Variants in RNF13 observed in about 807,000 individuals in gnomAD.
The protein encoded by RNF13 is ring finger protein 13, also known as E3 ubiquitin-protein ligase RNF13.
Under a neutral mutation model 37.7 loss-of-function variants are expected in RNF13, and 19 were observed. The observed-to-expected ratio is 0.50, with a 90% confidence interval of 0.35 to 0.74. The LOEUF is 0.74. Among genes scored for constraint, RNF13 ranks in the 30% least tolerant of loss-of-function variants. The probability of loss-of-function intolerance (pLI) is 0.01; values close to 1 mark genes in which losing one functional copy is unlikely to be tolerated. For synonymous variants in RNF13, 144 were observed against 157.8 expected, an observed-to-expected ratio of 0.91 and a Z score of 0.65; for missense variants, 375 against 453.0, an observed-to-expected ratio of 0.83 and a Z score of 1.56.
intron 1 of RNF13, among the ~76,000 whole-genome samples, chr3:149,834,078 A>C (rs1401874795): frequency 6.6e-6 from 1 of 152,236 alleles, no homozygotes; most frequent in East Asian, 1.9e-4. Context: ...AGAATTGTAC[A>C]CTGAAAATTG....
intron 1 of RNF13, among the ~76,000 whole-genome samples, chr3:149,838,635 T>C (rs535271436): frequency 6.6e-6 from 1 of 152,312 alleles, no homozygotes; most frequent in East Asian, 1.9e-4. Flanking sequence ...GTCCCAAGAC[T>C]TCACAAAGCA....
chr3:149,843,896 A>G (rs531005871), intron 1 of RNF13, among the ~76,000 whole-genome samples: 118 of 152,230 alleles, frequency 7.8e-4, no homozygotes, highest in Non-Finnish European at 1.5e-3. Flanking sequence ...ACTCAATAAC[A>G]TGCTTACAGC....
Position 149,846,012 on chromosome 3 carries a change from T to A in RNF13, c.-15T>A. On this transcript the variant is annotated splice_region_variant and 5_prime_UTR_variant, in exon 2 of 10. Coordinates refer to ENST00000392894, the MANE Select transcript of RNF13 (RefSeq NM_183381.3). ...GTTACTCACATCCTTGTCTTCCAGGTGATTTTACAACGAGATGCTGCTCTC... is the reference window on the plus strand; with the variant it reads ...GTTACTCACATCCTTGTCTTCCAGGAGATTTTACAACGAGATGCTGCTCTC... 1.9e-6 allele frequency: 3 copies of A among 1,563,028 alleles called. No homozygotes were observed. Among genetic ancestry groups the A allele is most frequent in the Non-Finnish European group, 2.6e-6 (3 of 1,137,116 alleles).
chr3:149,839,884 CTT>C (rs1721999073), intron 1 of RNF13, among the ~76,000 whole-genome samples: 3 of 152,138 alleles, frequency 2.0e-5, no homozygotes, highest in African/African-American at 7.2e-5. Flanking sequence ...TTTCTCATCT[CTT>C]TTGATGTGTA....
At chr3:149,865,329 G>GATGTAT (rs1724690670) in intron 3 of RNF13, among the ~76,000 whole-genome samples, 3 of 139,126 alleles carry the variant, frequency 2.2e-5, no homozygotes, top group Non-Finnish European at 1.6e-5. Context: ...ATGTTTTGGT[G>GATGTAT]ATATATATAT....
At chr3:149,938,229 G>T (rs1719898149) in intron 8 of RNF13, among the ~76,000 whole-genome samples, 1 of 151,788 alleles carries the variant, frequency 6.6e-6, no homozygotes, top group African/African-American at 2.4e-5. Context: ...CCAGGCTGGA[G>T]TGCAGTGGTG....
At chr3:149,889,361 G>C (rs896813590) in intron 4 of RNF13, among the ~76,000 whole-genome samples, 2 of 149,032 alleles carry the variant, frequency 1.3e-5, no homozygotes, top group Non-Finnish European at 3.0e-5. Flanking sequence ...CTGGAGTGCA[G>C]TGGCGTGATC....
At chr3:149,845,890 A>G (rs1232511120) in intron 1 of RNF13, 121 bp from the exon 2 acceptor site, 3 of 562,938 alleles carry the variant, frequency 5.3e-6, no homozygotes, top group Non-Finnish European at 9.4e-6. Context: ...CTTTACTTTT[A>G]ATGTTAATAC....
At chr3:149,950,910 T>A (rs1358343024) in intron 8 of RNF13, among the ~76,000 whole-genome samples, 1 of 152,082 alleles carries the variant, frequency 6.6e-6, no homozygotes, top group Non-Finnish European at 1.5e-5. Context: ...CCATGTAGGT[T>A]AGAGCTGATG....
intron 8 of RNF13, chr3:149,938,922 C>G (rs1719977107): frequency 5.5e-6 from 2 of 366,216 alleles, no homozygotes; most frequent in Non-Finnish European, 1.0e-5. Context: ...AAAAGGACAG[C>G]CAGATATCAA....
chr3:149,853,351 A>G (rs1276574110), intron 3 of RNF13, among the ~76,000 whole-genome samples: 2 of 152,024 alleles, frequency 1.3e-5, no homozygotes, highest in African/African-American at 2.4e-5. Context: ...CCTTTTCCCT[A>G]TACCCTCTTA....
intron 8 of RNF13, among the ~76,000 whole-genome samples, chr3:149,926,523 T>TA (rs1400280955): frequency 4.6e-5 from 7 of 152,338 alleles, no homozygotes; most frequent in Middle Eastern, 3.4e-3. Flanking sequence ...TCTGTGTTTT[T>TA]AGAGTACGTT....
chr3:149,912,765 A>G (rs941164009), intron 7 of RNF13, among the ~76,000 whole-genome samples: 7 of 152,156 alleles, frequency 4.6e-5, no homozygotes, highest in Admixed American at 4.6e-4. Flanking sequence ...TTATTTCTCC[A>G]TAACGGTGGT....
chr3:149,946,543 A>G (rs73157034), intron 8 of RNF13, among the ~76,000 whole-genome samples: 1 of 152,284 alleles, frequency 6.6e-6, no homozygotes, highest in Non-Finnish European at 1.5e-5. Flanking sequence ...ATGATTTAGT[A>G]CTGGTAGGCT....
At chr3:149,861,108 A>G (rs554073495) in intron 3 of RNF13, among the ~76,000 whole-genome samples, 1 of 152,202 alleles carries the variant, frequency 6.6e-6, no homozygotes, top group Non-Finnish European at 1.5e-5. Flanking sequence ...GACAAAAAAA[A>G]AGACAGATTT....
chr3:149,842,509 A>G (rs1476219655), intron 1 of RNF13, among the ~76,000 whole-genome samples: 5 of 152,208 alleles, frequency 3.3e-5, no homozygotes, highest in African/African-American at 4.8e-5. Flanking sequence ...ATTTACCTCC[A>G]AATTACACTA....
intron 6 of RNF13, among the ~76,000 whole-genome samples, chr3:149,904,000 C>T (rs1202643113): frequency 6.6e-6 from 1 of 151,898 alleles, no homozygotes; most frequent in Non-Finnish European, 1.5e-5. Context: ...CCTACCTATA[C>T]CTATCATCTA....
chr3:149,947,162 G>C (rs866465467), intron 8 of RNF13, among the ~76,000 whole-genome samples: 15 of 152,046 alleles, frequency 9.9e-5, no homozygotes, highest in South Asian at 6.2e-4. Flanking sequence ...TACATTTAAG[G>C]CTTTTTTCGT....
At chr3:149,863,409 T>G (rs1282132656) in intron 3 of RNF13, among the ~76,000 whole-genome samples, 3 of 152,196 alleles carry the variant, frequency 2.0e-5, no homozygotes, top group Non-Finnish European at 2.9e-5. Context: ...AGATGGAGAC[T>G]CGCTCTGTCA....
Sources: gnomAD v4.1 joint callset for allele counts (sites outside exome capture counted in the v4.1 genomes callset) on GRCh38, gnomAD v4.1.1 for gene constraint, MANE v1.5 for transcripts, NCBI Gene and HGNC (gene_info 2026-07-23, HGNC 2026-07-21) for gene names.